PLCL1: variants seen among roughly 807,000 people sequenced by gnomAD.
PLCL1 encodes the protein phospholipase C like 1 (inactive).
Under a neutral mutation model 84.4 loss-of-function variants are expected in PLCL1, and 41 were observed. That is an observed-to-expected ratio of 0.49 (90% CI 0.38 to 0.63). PLCL1 has a LOEUF of 0.63. Ranked by LOEUF, PLCL1 falls within the 30% of genes least tolerant of loss-of-function variation. The pLI is 0.00. For missense variants in PLCL1, 1,206 were observed against 1,367.8 expected, an observed-to-expected ratio of 0.88 and a Z score of 1.87; for synonymous variants, 490 against 488.3, an observed-to-expected ratio of 1.00 and a Z score of -0.05.
chr2:197,860,906 C>A (rs1687420049), intron 1 of PLCL1, among the ~76,000 whole-genome samples: 1 of 152,116 alleles, frequency 6.6e-6, no homozygotes, highest in Non-Finnish European at 1.5e-5. Context: ...GCTTTTATTG[C>A]AATTGCTTTT....
chr2:197,813,773 G>A (rs934655038), intron 1 of PLCL1, among the ~76,000 whole-genome samples: 15 of 152,068 alleles, frequency 9.9e-5, no homozygotes, highest in African/African-American at 3.6e-4. Context: ...ACTTGCCTAA[G>A]GTCACATAGC....
At chr2:197,896,154 T>C (rs1242543609) in intron 1 of PLCL1, among the ~76,000 whole-genome samples, 1 of 152,022 alleles carries the variant, frequency 6.6e-6, no homozygotes, top group African/African-American at 2.4e-5. Context: ...TTATAAACTG[T>C]GTATTGTTTA....
At chr2:198,066,727 A>G (rs1692329561) in intron 1 of PLCL1, among the ~76,000 whole-genome samples, 2 of 151,772 alleles carry the variant, frequency 1.3e-5, no homozygotes, top group African/African-American at 4.8e-5. Flanking sequence ...TCTCCTATGC[A>G]TTTGCTGTAG....
chr2:198,139,917 G>A (rs970916893), intron 5 of PLCL1, among the ~76,000 whole-genome samples: 6 of 151,792 alleles, frequency 4.0e-5, no homozygotes, highest in African/African-American at 1.5e-4. Context: ...ATGAGAATTT[G>A]AAACATTAAA....
intron 1 of PLCL1, among the ~76,000 whole-genome samples, chr2:197,966,991 C>A (rs1170017430): frequency 1.3e-5 from 2 of 149,496 alleles, no homozygotes; most frequent in African/African-American, 4.9e-5. Flanking sequence ...TTTTTTAAAT[C>A]TGCCTGGGCC....
At chr2:197,827,801 A>T (rs1465753634) in intron 1 of PLCL1, among the ~76,000 whole-genome samples, 1 of 152,148 alleles carries the variant, frequency 6.6e-6, no homozygotes, top group Non-Finnish European at 1.5e-5. Flanking sequence ...ACTGTTGTTA[A>T]GTGTTCAGTT....
intron 1 of PLCL1, among the ~76,000 whole-genome samples, chr2:197,903,986 A>G (rs920550473): frequency 6.6e-6 from 1 of 151,262 alleles, no homozygotes; most frequent in Non-Finnish European, 1.5e-5. Context: ...TATTTTTAGT[A>G]GAGACGGTGT....
chr2:197,998,018 A>T (rs1559069094), intron 1 of PLCL1, among the ~76,000 whole-genome samples: 1 of 152,180 alleles, frequency 6.6e-6, no homozygotes, highest in Non-Finnish European at 1.5e-5. Flanking sequence ...TCAGAATTTG[A>T]TAAGGCAAAT....
At chr2:197,811,926 G>A (rs1254130151) in intron 1 of PLCL1, among the ~76,000 whole-genome samples, 4 of 152,140 alleles carry the variant, frequency 2.6e-5, no homozygotes, top group Non-Finnish European at 5.9e-5. Context: ...AGTAAGCATA[G>A]TACCCAATAG....
At chr2:197,974,421 G>A (rs1518368) in intron 1 of PLCL1, among the ~76,000 whole-genome samples, 109,130 of 152,038 alleles carry the variant, frequency 0.72, 40,107 homozygotes, top group African/African-American at 0.87. Context: ...AAAAAAAGAA[G>A]CCCTCCTTTA....
At chr2:197,807,525 G>C (rs1444486794) in intron 1 of PLCL1, among the ~76,000 whole-genome samples, 1 of 142,852 alleles carries the variant, frequency 7.0e-6, no homozygotes, top group Non-Finnish European at 1.5e-5. Context: ...CTCCGTCTCT[G>C]AGATCAAGAA....
rs374144329 is a variant in PLCL1 at position 197,806,084 on chromosome 2, T to C, written c.240+745T>C. ...ATCTTCCTTCCACTTGGGGCTTGTT[T>C]CTTCTGTTCGAGATTTCCTCTTTTG... On this transcript the variant is annotated intron_variant, in intron 1 of 5. Coordinates refer to ENST00000428675, the MANE Select transcript of PLCL1 (RefSeq NM_006226.4). 1.9e-4 allele frequency among the ~76,000 whole-genome samples: 29 copies of C among 152,370 alleles called. 1 individual carries two copies. Among genetic ancestry groups the C allele is most frequent in the African/African-American group, 6.5e-4 (27 of 41,582 alleles).
rs574927577 is a variant in PLCL1 at position 198,009,036 on chromosome 2, T to A, written c.241-74722T>A. 2.4e-4 allele frequency among the ~76,000 whole-genome samples: 37 copies of A among 152,100 alleles called. No homozygotes were observed. The South Asian group carries it at 2.7e-3, about 11-fold the overall frequency. ...ATGTCAGTTTAAGTTCTTTGCCTATTTTAGAATCAATTTTTTTGTTGTTGT... is the reference window on the plus strand; with the variant it reads ...ATGTCAGTTTAAGTTCTTTGCCTATATTAGAATCAATTTTTTTGTTGTTGT... On this transcript the variant is annotated intron_variant, in intron 1 of 5. Transcript: ENST00000428675.
At chr2:197,850,953 C>T (rs1015033840) in intron 1 of PLCL1, among the ~76,000 whole-genome samples, 1 of 152,252 alleles carries the variant, frequency 6.6e-6, no homozygotes, top group Middle Eastern at 3.4e-3. Flanking sequence ...TCTTATATAC[C>T]GTTTGCTCTC....
At chr2:198,110,547 A>C (rs1693594083) in intron 5 of PLCL1, among the ~76,000 whole-genome samples, 1 of 151,906 alleles carries the variant, frequency 6.6e-6, no homozygotes, top group African/African-American at 2.4e-5. Flanking sequence ...CATTGTTGAG[A>C]GACAAAAGAA....
intron 1 of PLCL1, among the ~76,000 whole-genome samples, chr2:197,862,955 A>G (rs1461480166): frequency 6.6e-6 from 1 of 152,160 alleles, no homozygotes; most frequent in African/African-American, 2.4e-5. Flanking sequence ...GGTAAAGCTG[A>G]CATGGCAAGC....
intron 1 of PLCL1, among the ~76,000 whole-genome samples, chr2:198,006,889 C>G (rs950553460): frequency 6.6e-5 from 10 of 152,184 alleles, no homozygotes; most frequent in Non-Finnish European, 1.2e-4. Flanking sequence ...CTAAAGGCAC[C>G]TGCTTTCATT....
At chr2:198,016,226 G>A (rs1690994230) in intron 1 of PLCL1, among the ~76,000 whole-genome samples, 1 of 152,022 alleles carries the variant, frequency 6.6e-6, no homozygotes, top group African/African-American at 2.4e-5. Context: ...GGGTCAAGGT[G>A]GTAACAGCCA....
intron 1 of PLCL1, among the ~76,000 whole-genome samples, chr2:197,905,457 T>C (rs1194459509): frequency 1.3e-5 from 2 of 152,260 alleles, no homozygotes; most frequent in African/African-American, 4.8e-5. Flanking sequence ...TAGTATTCCA[T>C]GCTGTATATG....
Sources: allele counts gnomAD v4.1 joint callset (sites outside exome capture counted in the v4.1 genomes callset), GRCh38; gene constraint gnomAD v4.1.1; transcripts MANE v1.5; gene names NCBI Gene and HGNC (gene_info 2026-07-23, HGNC 2026-07-21).